Variants in KCNJ3 observed in about 807,000 individuals in gnomAD.
KCNJ3 encodes G protein-activated inward rectifier potassium channel 1.
A neutral mutation model predicts 39.2 loss-of-function variants in KCNJ3; 4 were observed. The ratio of observed to expected loss-of-function variants is 0.10; its 90% CI spans 0.05 to 0.23. The LOEUF (loss-of-function observed/expected upper bound fraction) is 0.23. Ranked by LOEUF, KCNJ3 falls within the 10% of genes least tolerant of loss-of-function variation. The probability of loss-of-function intolerance (pLI) is 1.00; values close to 1 mark genes in which losing one functional copy is unlikely to be tolerated. For missense variants in KCNJ3, 276 were observed against 634.9 expected (o/e 0.43, Z 6.08); for synonymous variants, 230 against 237.4 (o/e 0.97, Z 0.29).
At chr2:154,780,876 T>A (rs571083364) in intron 2 of KCNJ3, among the ~76,000 whole-genome samples, 1 of 152,306 alleles carries the variant, frequency 6.6e-6, no homozygotes, top group African/African-American at 2.4e-5. Flanking sequence ...GATGTTTACT[T>A]GCTATCCCCA....
intron 2 of KCNJ3, among the ~76,000 whole-genome samples, chr2:154,763,356 A>G (rs1686077210): frequency 6.6e-6 from 1 of 151,570 alleles, no homozygotes; most frequent in African/African-American, 2.4e-5. Flanking sequence ...GTTTCTGCAC[A>G]GGCCTAGGCT....
intron 2 of KCNJ3, among the ~76,000 whole-genome samples, chr2:154,780,105 T>G (rs954987197): frequency 6.6e-6 from 1 of 152,170 alleles, no homozygotes; most frequent in African/African-American, 2.4e-5. Context: ...GGAAATAATT[T>G]ACTCATGAAG....
intron 2 of KCNJ3, among the ~76,000 whole-genome samples, chr2:154,741,182 A>G (rs932697716): frequency 2.6e-5 from 4 of 151,944 alleles, no homozygotes; most frequent in Non-Finnish European, 4.4e-5. Flanking sequence ...TACGTTTTAC[A>G]TTAGATGAAT....
chr2:154,701,941 C>G (rs1221470776), intron 1 of KCNJ3, among the ~76,000 whole-genome samples: 1 of 151,858 alleles, frequency 6.6e-6, no homozygotes, highest in African/African-American at 2.4e-5. Context: ...TCCTGTTATT[C>G]CTTAGACTTC....
At chr2:154,820,317 C>T (rs548991142) in intron 2 of KCNJ3, among the ~76,000 whole-genome samples, 10 of 152,250 alleles carry the variant, frequency 6.6e-5, no homozygotes, top group South Asian at 6.2e-4. Context: ...TGTTTTCTTA[C>T]GATGTTAGTC....
intron 2 of KCNJ3, among the ~76,000 whole-genome samples, chr2:154,843,800 G>A (rs1282074333): frequency 6.6e-6 from 1 of 152,076 alleles, no homozygotes; most frequent in Admixed American, 6.5e-5. Context: ...GGTCTTTTAA[G>A]GTCTTCTCCA....
intron 2 of KCNJ3, among the ~76,000 whole-genome samples, chr2:154,763,982 G>C (rs1278823407): frequency 1.3e-5 from 2 of 152,146 alleles, no homozygotes; most frequent in Non-Finnish European, 2.9e-5. Context: ...GCATATCATA[G>C]ATATTGTCTG....
intron 2 of KCNJ3, among the ~76,000 whole-genome samples, chr2:154,803,155 T>A (rs1558878199): frequency 6.6e-6 from 1 of 152,078 alleles, no homozygotes; most frequent in Non-Finnish European, 1.5e-5. Context: ...ATTTTGCAGA[T>A]TCTATCAATA....
chr2:154,721,789 A>C (rs1233317813), intron 2 of KCNJ3, among the ~76,000 whole-genome samples: 1 of 152,204 alleles, frequency 6.6e-6, no homozygotes, highest in Admixed American at 6.5e-5. Flanking sequence ...ATTTTACAGA[A>C]ATGGAAACTG....
intron 2 of KCNJ3, among the ~76,000 whole-genome samples, chr2:154,824,143 T>A (rs1351844203): frequency 6.6e-6 from 1 of 152,140 alleles, no homozygotes; most frequent in Non-Finnish European, 1.5e-5. Flanking sequence ...GAGACCAGCC[T>A]GAGCAACATG....
At chr2:154,745,123 G>A (rs1685718799) in intron 2 of KCNJ3, among the ~76,000 whole-genome samples, 1 of 151,828 alleles carries the variant, frequency 6.6e-6, no homozygotes, top group Admixed American at 6.6e-5. Flanking sequence ...CATTTGCTGA[G>A]GCTTGTTCTA....
rs948377973 is a variant in KCNJ3 at position 154,704,472 on chromosome 2, A to C, written c.702+4995A>C. On this transcript the variant is annotated intron_variant, in intron 1 of 2. Coordinates refer to ENST00000295101, the MANE Select transcript of KCNJ3 (RefSeq NM_002239.4). ...CACATAATCTATTATAAAATAAATTACATTGCGTTCTGTAAGAAATGTTCT... is the reference window on the plus strand; with the variant it reads ...CACATAATCTATTATAAAATAAATTCCATTGCGTTCTGTAAGAAATGTTCT... Among the ~76,000 whole-genome samples, 7 of 152,304 alleles carry C rather than the reference A, an allele frequency of 4.6e-5. No individual in the cohort carries two copies. In the East Asian group the frequency reaches 1.3e-3, roughly 29 times the overall value.
rs116723617 is a variant in KCNJ3 at position 154,728,286 on chromosome 2, C to A, written c.919+18467C>A. 8.2e-3 allele frequency among the ~76,000 whole-genome samples: 1,241 copies of A among 152,186 alleles called. 12 individuals are homozygous for A. Among genetic ancestry groups the A allele is most frequent in the African/African-American group, 0.028 (1,162 of 41,522 alleles). ...GGCATTGTCTATTATTTACAGAAAT[C>A]ACCTTGTGTCTTAATTTTATCTACT... is the stretch of plus-strand genomic sequence containing the variant. On this transcript the variant is annotated intron_variant, in intron 2 of 2. Transcript: ENST00000295101.
chr2:154,701,839 T>A (rs929038577), intron 1 of KCNJ3, among the ~76,000 whole-genome samples: 1 of 152,054 alleles, frequency 6.6e-6, no homozygotes, highest in Non-Finnish European at 1.5e-5. Context: ...AGAGAGTTGA[T>A]CTGTGAGTAG....
rs192807403 is a variant in KCNJ3, at chr2:154,699,606, G to C, written c.702+129G>C. ...ATAGCCACAGGTAAACTTCCTTTTG[G>C]GGGGTTGGGGGTTGGAGGACTGGGC... is the stretch of plus-strand genomic sequence containing the variant. On this transcript the variant is annotated intron_variant, in intron 1 of 2. Transcript: ENST00000295101. This position sits in a 1 kb window ranked among gnomAD's most constrained non-coding sequence, Gnocchi z 6.4. The C allele has an allele frequency of 3.7e-6, 5 of 1,361,240 alleles. No individual in the cohort carries two copies. The highest frequency in any genetic ancestry group is 5.0e-5 in the East Asian group (2 of 39,708). The allele number at this position is 1,361,240 out of a possible 1,614,324, so 84.3% of individuals were successfully genotyped here. A position where few individuals can be genotyped will look rare whatever the true frequency, so the allele number is the denominator to read the frequency against.
intron 2 of KCNJ3, among the ~76,000 whole-genome samples, chr2:154,713,799 C>A (rs1326820383): frequency 2.0e-5 from 3 of 152,212 alleles, no homozygotes; most frequent in Non-Finnish European, 4.4e-5. Flanking sequence ...AGATTTGGCT[C>A]ATTAGAACTC....
At chr2:154,790,910 TTGAG>T (rs1288716448) in intron 2 of KCNJ3, among the ~76,000 whole-genome samples, 2 of 152,050 alleles carry the variant, frequency 1.3e-5, no homozygotes, top group Non-Finnish European at 2.9e-5. Flanking sequence ...AGAGTGATCT[TTGAG>T]TAAGTCAGAA....
chr2:154,804,667 G>A (rs769924519), intron 2 of KCNJ3, among the ~76,000 whole-genome samples: 2 of 152,074 alleles, frequency 1.3e-5, no homozygotes, highest in Admixed American at 6.6e-5. Flanking sequence ...TGTAAAGTAG[G>A]TATTATCTAC....
At chr2:154,743,873 T>C (rs1018495736) in intron 2 of KCNJ3, among the ~76,000 whole-genome samples, 2 of 151,630 alleles carry the variant, frequency 1.3e-5, no homozygotes, top group East Asian at 3.9e-4. Flanking sequence ...TCCAGCACTA[T>C]GTTGAGTAAG....
Sources: gnomAD v4.1 joint callset for allele counts (sites outside exome capture counted in the v4.1 genomes callset) on GRCh38, gnomAD v4.1.1 for gene constraint, Gnocchi (gnomAD v3.1) non-coding constraint, MANE v1.5 for transcripts, NCBI Gene and HGNC (gene_info 2026-07-23, HGNC 2026-07-21) for gene names.